The following GRIN2A variants were observed in gnomAD, a reference collection of about 807,000 sequenced individuals.
GRIN2A encodes glutamate receptor ionotropic, NMDA 2A.
In GRIN2A, 22 loss-of-function variants were observed where a neutral mutation model predicts 113.4. The observed-to-expected ratio is 0.19, with a 90% CI of 0.14 to 0.28. GRIN2A has a LOEUF of 0.28. Among genes scored for constraint, GRIN2A ranks in the 10% least tolerant of loss-of-function variants. The pLI, the probability that GRIN2A is intolerant of heterozygous loss-of-function variation, is 1.00. For synonymous variants in GRIN2A, 827 were observed against 738.4 expected, an observed-to-expected ratio of 1.12 and a Z score of -1.94; for missense variants, 1,502 against 1,887.0, an observed-to-expected ratio of 0.80 and a Z score of 3.78.
At chr16:10,066,753 G>C (rs550696490) in intron 2 of GRIN2A, among the ~76,000 whole-genome samples, 1 of 152,128 alleles carries the variant, frequency 6.6e-6, no homozygotes, top group African/African-American at 2.4e-5. Flanking sequence ...GAGATACCAC[G>C]TGTGCAGAGG....
chr16:9,888,122 G>A (rs539859893), intron 4 of GRIN2A, among the ~76,000 whole-genome samples: 8 of 152,260 alleles, frequency 5.3e-5, no homozygotes, highest in African/African-American at 1.7e-4. Flanking sequence ...TGTATTTTTA[G>A]TAGAGACGGG....
chr16:10,021,509 A>T (rs192254393), intron 2 of GRIN2A, among the ~76,000 whole-genome samples: 10 of 152,314 alleles, frequency 6.6e-5, no homozygotes, highest in Admixed American at 6.5e-4. Context: ...ACATTCCCCC[A>T]GTTACCAATG....
Position 10,151,780 on chromosome 16 carries a change from G to A in GRIN2A, c.414+28218C>T, listed in dbSNP as rs1183392190. Among the ~76,000 whole-genome samples the A allele has an allele frequency of 3.3e-5, 5 of 152,088 alleles. 1 individual carries two copies. The South Asian group carries it at 8.3e-4, about 25-fold the overall frequency. ...AGTCTCTACCAAGGCCTCCGAGTTCGAGGCATTAAAGGCTCCCCAAGTGGA... is the reference window on the plus strand; with the variant it reads ...AGTCTCTACCAAGGCCTCCGAGTTCAAGGCATTAAAGGCTCCCCAAGTGGA... On this transcript the variant is annotated intron_variant, in intron 2 of 12. Transcript: ENST00000330684.
rs1214021783 is a variant in GRIN2A at position 9,762,757 on chromosome 16, G to C, written c.*392C>G. The C allele has an allele frequency of 2.6e-6, 1 of 389,522 alleles. No individual in the cohort carries two copies. The highest frequency in any genetic ancestry group is 4.3e-5 in the East Asian group (1 of 23,288). 24.1% of individuals were successfully genotyped at this position (389,522 alleles called of 1,614,324 possible). On this transcript the variant is annotated 3_prime_UTR_variant, in exon 13 of 13. Transcript: ENST00000330684. ...TTATTCTGTATTAGAGAAACCATTA[G>C]GCATTTCTGATGAGAAAATTACATG...
At chr16:9,841,963 G>T (rs2042687656) in intron 5 of GRIN2A, among the ~76,000 whole-genome samples, 1 of 152,164 alleles carries the variant, frequency 6.6e-6, no homozygotes, top group Non-Finnish European at 1.5e-5. Flanking sequence ...CCTTTAAAAA[G>T]AAAGGAGGCC....
chr16:10,168,542 G>A (rs61569373), intron 2 of GRIN2A, among the ~76,000 whole-genome samples: 4,146 of 152,272 alleles, frequency 0.027, 118 homozygotes, highest in African/African-American at 0.072. Flanking sequence ...ATTCCTGAGG[G>A]ACAGACAGTC....
chr16:10,168,307 G>A (rs972717949), intron 2 of GRIN2A, among the ~76,000 whole-genome samples: 2 of 152,218 alleles, frequency 1.3e-5, no homozygotes, highest in African/African-American at 4.8e-5. Flanking sequence ...AGGTGATGAT[G>A]CAGGGATTAT....
At chr16:10,167,600 T>C (rs1267611711) in intron 2 of GRIN2A, among the ~76,000 whole-genome samples, 3 of 152,140 alleles carry the variant, frequency 2.0e-5, no homozygotes, top group African/African-American at 7.2e-5. Context: ...ATGGGTAACA[T>C]AGCCACCTCC....
Position 10,180,874 on chromosome 16 carries a change from C to G in GRIN2A, c.-18-445G>C, listed in dbSNP as rs562641867. ...GAGGACCAAGTTATCAACCCCGCCC[C>G]CTGCTGGCGCGGAGCGAACTACAGA... is the stretch of plus-strand genomic sequence containing the variant. On this transcript the variant is annotated intron_variant, in intron 1 of 12. Transcript: ENST00000330684. This position sits in a 1 kb window ranked among gnomAD's most constrained non-coding sequence, Gnocchi z 7.0. 2.5e-4 allele frequency: 52 copies of G among 207,416 alleles called. No homozygotes were observed. The highest frequency in any genetic ancestry group is 4.5e-4 in the Non-Finnish European group (45 of 101,106). 12.8% of individuals were successfully genotyped at this position (207,416 alleles called of 1,614,324 possible).
chr16:10,090,416 A>C (rs1024019046), intron 2 of GRIN2A, among the ~76,000 whole-genome samples: 2 of 152,210 alleles, frequency 1.3e-5, no homozygotes, highest in African/African-American at 4.8e-5. Flanking sequence ...CAAACATGAC[A>C]GGATAATTTG....
In GRIN2A at chr16:10,093,201, T is replaced by C. The variant is rs148844165; in HGVS notation, c.414+86797A>G. ...GCTCAGAGTCACAGTTGCTCAGCACTGCAGGCAGGGTCCGTATGTCATAAT... is the reference window on the plus strand; with the variant it reads ...GCTCAGAGTCACAGTTGCTCAGCACCGCAGGCAGGGTCCGTATGTCATAAT... On this transcript the variant is annotated intron_variant, in intron 2 of 12. Transcript: ENST00000330684. Among the ~76,000 whole-genome samples the C allele has an allele frequency of 2.6e-4, 39 of 152,322 alleles. No homozygotes were observed. In the East Asian group the frequency reaches 5.4e-3, roughly 21 times the overall value.
chr16:9,852,060 T>C (rs2042892951), intron 4 of GRIN2A, among the ~76,000 whole-genome samples: 2 of 152,214 alleles, frequency 1.3e-5, no homozygotes, highest in African/African-American at 4.8e-5. Flanking sequence ...TTTTGAGCAC[T>C]CCTGTACAGT....
At chr16:10,148,048 TTTCTTGCTACC>T (rs557391000) in intron 2 of GRIN2A, among the ~76,000 whole-genome samples, 5 of 152,288 alleles carry the variant, frequency 3.3e-5, no homozygotes, top group Admixed American at 2.0e-4. Flanking sequence ...CTGCCCTGGT[TTTCTTGCTACC>T]CTACTGGTTG....
chr16:10,118,021 C>G (rs1203831935), intron 2 of GRIN2A, among the ~76,000 whole-genome samples: 1 of 152,080 alleles, frequency 6.6e-6, no homozygotes, highest in Non-Finnish European at 1.5e-5. Context: ...ACTGGACCAG[C>G]CAATGATAAT....
At chr16:10,178,319 AT>A (rs2050192319) in intron 2 of GRIN2A, among the ~76,000 whole-genome samples, 1 of 152,194 alleles carries the variant, frequency 6.6e-6, no homozygotes, top group Non-Finnish European at 1.5e-5. Context: ...CTGAAGATGG[AT>A]GACATCATTA....
At chr16:10,124,478 CTT>C (rs34877908) in intron 2 of GRIN2A, among the ~76,000 whole-genome samples, 42,192 of 151,840 alleles carry the variant, frequency 0.28, 6,059 homozygotes, top group Middle Eastern at 0.34. Context: ...CTTGATAACT[CTT>C]TGTTTATCCG....
chr16:9,885,051 C>T (rs557745714), intron 4 of GRIN2A, among the ~76,000 whole-genome samples: 1 of 152,192 alleles, frequency 6.6e-6, no homozygotes, highest in South Asian at 2.1e-4. Context: ...AATTTCTTGA[C>T]TGGCCCAAGT....
chr16:9,845,717 A>G (rs1447777046), intron 5 of GRIN2A, among the ~76,000 whole-genome samples: 1 of 152,110 alleles, frequency 6.6e-6, no homozygotes, highest in African/African-American at 2.4e-5. Flanking sequence ...AGATATTCAC[A>G]TGTCTGGCTT....
intron 11 of GRIN2A, among the ~76,000 whole-genome samples, chr16:9,781,041 A>C (rs576260367): frequency 6.8e-6 from 1 of 146,500 alleles, no homozygotes; most frequent in Non-Finnish European, 1.5e-5. Flanking sequence ...TATTTTCAGC[A>C]CTACAGGCCA....
Sources: gnomAD v4.1 joint callset for allele counts (sites outside exome capture counted in the v4.1 genomes callset) on GRCh38, gnomAD v4.1.1 for gene constraint, Gnocchi (gnomAD v3.1) non-coding constraint, MANE v1.5 for transcripts, NCBI Gene and HGNC (gene_info 2026-07-23, HGNC 2026-07-21) for gene names.